Variants in LRRC72 observed in about 807,000 individuals in gnomAD.
LRRC72 encodes leucine-rich repeat-containing protein 72.
A neutral mutation model predicts 35.8 loss-of-function variants in LRRC72; 41 were observed. That is an observed-to-expected ratio of 1.15 (90% confidence interval 0.89 to 1.49). The LOEUF (loss-of-function observed/expected upper bound fraction) is 1.49. Among genes scored for constraint, LRRC72 ranks in the 40% most tolerant of loss-of-function variants. The pLI is 0.00. For synonymous variants in LRRC72, 118 were observed against 119.2 expected, an observed-to-expected ratio of 0.99 and a Z score of 0.07; for missense variants, 389 against 330.7, an observed-to-expected ratio of 1.18 and a Z score of -1.37.
intron 3 of LRRC72, among the ~76,000 whole-genome samples, chr7:16,543,398 G>A (rs973544867): frequency 2.1e-4 from 32 of 152,152 alleles, no homozygotes; most frequent in African/African-American, 7.5e-4. Flanking sequence ...GGCAAAAGGA[G>A]AAAAATAAAG....
chr7:16,578,243 C>T (rs555468601), intron 7 of LRRC72, among the ~76,000 whole-genome samples: 16 of 152,086 alleles, frequency 1.1e-4, no homozygotes, highest in South Asian at 4.1e-4. Context: ...CTTGGCAAGG[C>T]GGGCAGATCA....
chr7:16,536,942 T>C (rs1350183799), intron 2 of LRRC72: 3 of 152,288 alleles, frequency 2.0e-5, no homozygotes, highest in Non-Finnish European at 4.4e-5. Flanking sequence ...GAGATCCAAC[T>C]ACTCCAGGCC....
chr7:16,556,755 T>A (rs1304704031), intron 3 of LRRC72, among the ~76,000 whole-genome samples: 2 of 152,192 alleles, frequency 1.3e-5, no homozygotes, highest in African/African-American at 4.8e-5. Context: ...CAGTAAGTAG[T>A]AAGATACAAG....
At chr7:16,559,129 C>CA (rs1782700183) in intron 5 of LRRC72, 130 bp downstream of exon 5, 2 of 538,526 alleles carry the variant, frequency 3.7e-6, no homozygotes, top group Non-Finnish European at 6.5e-6. Flanking sequence ...CACTGTGACT[C>CA]ACGCCTGTAA....
rs73308779 is a variant in LRRC72, at chr7:16,567,054, G to A, written c.518-337G>A. On this transcript the variant is annotated intron_variant, in intron 6 of 8. Transcript: ENST00000401542. The stretch of plus-strand genomic sequence containing the variant: ...GTAACCACTTTCTATAGGATACATC[G>A]GAAACTTATGGTTATACCTCTCCTT... 6.7e-3 allele frequency among the ~76,000 whole-genome samples: 1,020 copies of A among 152,002 alleles called. 9 individuals carry two copies. The highest frequency in any genetic ancestry group is 0.024 in the African/African-American group (974 of 41,438).
At chr7:16,560,667 A>C (rs1037136296) in intron 5 of LRRC72, among the ~76,000 whole-genome samples, 1 of 152,014 alleles carries the variant, frequency 6.6e-6, no homozygotes, top group African/African-American at 2.4e-5. Flanking sequence ...GGGTTGCTTC[A>C]AACATTAAGA....
rs561636805 is a variant in LRRC72, at chr7:16,551,549, A to G, written c.235-5811A>G. Among the ~76,000 whole-genome samples the G allele has an allele frequency of 6.6e-5, 10 of 152,272 alleles. No individual in the cohort carries two copies. The South Asian group carries it at 2.1e-3, about 32-fold the overall frequency. On this transcript the variant is annotated intron_variant, in intron 3 of 8. Coordinates refer to ENST00000401542, the MANE Select transcript of LRRC72 (RefSeq NM_001195280.2). ...GGAGGGGAGAGGGCCTGAAGGTTAA[A>G]TTGATCACCAATGGCCAATGATTTA...
chr7:16,566,250 A>T lies in LRRC72; in HGVS notation c.428-63A>T, dbSNP rs1583650026. ...CGAATCTCTTAATTTTTTGTATTTT[A>T]TAAGTGATAAGTGAAACTGATTTTG... On this transcript the variant is annotated intron_variant, in intron 5 of 8. Coordinates refer to ENST00000401542, the MANE Select transcript of LRRC72 (RefSeq NM_001195280.2). The T allele has an allele frequency of 9.6e-6, 10 of 1,044,978 alleles. No homozygotes were observed. The East Asian group carries it at 2.2e-4, about 23-fold the overall frequency. 64.7% of individuals were successfully genotyped at this position (1,044,978 alleles called of 1,614,324 possible).
chr7:16,573,573 A>C (rs954947576), intron 7 of LRRC72, among the ~76,000 whole-genome samples: 6 of 152,234 alleles, frequency 3.9e-5, no homozygotes, highest in Admixed American at 3.9e-4. Flanking sequence ...CTATTTAATA[A>C]GTGGTGTTGG....
rs143463029 is a variant in LRRC72 at position 16,559,262 on chromosome 7, C to T, written c.427+263C>T. On this transcript the variant is annotated intron_variant, in intron 5 of 8. Coordinates refer to ENST00000401542, the MANE Select transcript of LRRC72 (RefSeq NM_001195280.2). ...TACAAAAATTAGCCAGGCCTGGTGGCGTATGCCTGTAATCCCAGCTACTTG... is the reference window on the plus strand; with the variant it reads ...TACAAAAATTAGCCAGGCCTGGTGGTGTATGCCTGTAATCCCAGCTACTTG... 3.4e-3 allele frequency among the ~76,000 whole-genome samples: 521 copies of T among 151,956 alleles called. 4 individuals are homozygous for T. Among genetic ancestry groups the T allele is most frequent in the African/African-American group, 0.012 (504 of 41,432 alleles).
At chr7:16,537,742 C>G in intron 3 of LRRC72, 46 bp downstream of exon 3, 1 of 1,104,028 alleles carries the variant, frequency 9.1e-7, no homozygotes. Flanking sequence ...AAACTACTAT[C>G]TTAATTTTGT....
At chr7:16,568,767 C>T (rs190405238) in intron 7 of LRRC72, among the ~76,000 whole-genome samples, 36 of 152,172 alleles carry the variant, frequency 2.4e-4, no homozygotes, top group Admixed American at 1.3e-3. Context: ...TTAAAGCAGT[C>T]GGAGAGAAAA....
intron 5 of LRRC72, 105 bp from the exon 6 acceptor site, chr7:16,566,208 A>T: frequency 3.1e-6 from 2 of 652,678 alleles, no homozygotes; most frequent in Non-Finnish European, 2.4e-6. Context: ...GAGCTTTACA[A>T]GTTCTTATGT....
At chr7:16,545,175 A>T (rs184240264) in intron 3 of LRRC72, among the ~76,000 whole-genome samples, 3 of 152,328 alleles carry the variant, frequency 2.0e-5, no homozygotes, top group Non-Finnish European at 4.4e-5. Context: ...CTTAAGGTAA[A>T]ATAAAATAAA....
intron 3 of LRRC72, among the ~76,000 whole-genome samples, chr7:16,538,072 C>T (rs1381678197): frequency 2.0e-5 from 3 of 152,150 alleles, no homozygotes; most frequent in African/African-American, 7.2e-5. Context: ...CCCATTGAGT[C>T]ATAGTCATAG....
Position 16,581,310 on chromosome 7 carries a change from C to CT in LRRC72, c.699-5dup, listed in dbSNP as rs201261491. The CT allele has an allele frequency of 9.7e-4, 1,340 of 1,383,688 alleles. 5 individuals are homozygous for CT. In the East Asian group the frequency reaches 0.015, roughly 15 times the overall value. The allele number at this position is 1,383,688 out of a possible 1,614,324, so 85.7% of individuals were successfully genotyped here. ...GATTGCTTTTTTTCTGACATAATTG[C>CT]TTTTTTTTTGCAGAACTGTGCTTGA... On this transcript the variant is annotated splice_polypyrimidine_tract_variant and intron_variant, in intron 8 of 8. Transcript: ENST00000401542.
chr7:16,552,182 G>A (rs1212409824), intron 3 of LRRC72, among the ~76,000 whole-genome samples: 2 of 152,160 alleles, frequency 1.3e-5, no homozygotes, highest in African/African-American at 4.8e-5. Context: ...TAATAATAAT[G>A]AGTTGTTATG....
intron 3 of LRRC72, among the ~76,000 whole-genome samples, chr7:16,539,432 A>G (rs144355376): frequency 1.3e-5 from 2 of 152,214 alleles, no homozygotes; most frequent in East Asian, 3.8e-4. Flanking sequence ...TCACAAAGAG[A>G]TTATCTGAAA....
At chr7:16,543,099 C>A (rs1017112126) in intron 3 of LRRC72, among the ~76,000 whole-genome samples, 4 of 152,132 alleles carry the variant, frequency 2.6e-5, no homozygotes, top group South Asian at 2.1e-4. Context: ...TTATTCAGAT[C>A]GCAAACTCTA....
Sources: allele counts gnomAD v4.1 joint callset (sites outside exome capture counted in the v4.1 genomes callset), GRCh38; gene constraint gnomAD v4.1.1; transcripts MANE v1.5; gene names NCBI Gene and HGNC (gene_info 2026-07-23, HGNC 2026-07-21).